The following DSTYK variants were observed in gnomAD, a reference collection of about 807,000 sequenced individuals.
DSTYK encodes the protein RIP-homologous kinase.
In DSTYK, 34 loss-of-function variants were observed where a neutral mutation model predicts 98.7. The ratio of observed to expected loss-of-function variants is 0.34; its 90% CI spans 0.26 to 0.46. DSTYK has a LOEUF of 0.46. Among genes scored for constraint, DSTYK ranks in the 20% least tolerant of loss-of-function variants. DSTYK has a pLI of 1.00. For synonymous variants in DSTYK, 462 were observed against 457.3 expected (o/e 1.01, Z -0.13); for missense variants, 962 against 1,181.7 (o/e 0.81, Z 2.73).
chr1:205,199,430 C>T lies in DSTYK; in HGVS notation c.266-11624G>A, dbSNP rs76494931. Among the ~76,000 whole-genome samples, 30 of 152,304 alleles carry T rather than the reference C, an allele frequency of 2.0e-4. 1 individual carries two copies. In the East Asian group the frequency reaches 5.8e-3, roughly 29 times the overall value. ...TGGTTTGGACTTTGGAGGAACATTA[C>T]GCATAAGGGAACTTTCTCAGAGAGT... On this transcript the variant is annotated intron_variant, in intron 1 of 12. Transcript: ENST00000367162.
At chr1:205,159,010 C>T (rs1657636717) in intron 9 of DSTYK, among the ~76,000 whole-genome samples, 1 of 152,168 alleles carries the variant, frequency 6.6e-6, no homozygotes, top group Non-Finnish European at 1.5e-5. Flanking sequence ...TTTACTACCA[C>T]CACAGGGGTC....
In DSTYK at chr1:205,169,128, C is replaced by G. The variant is rs368565285; in HGVS notation, c.1324+35G>C. On this transcript the variant is annotated intron_variant, in intron 3 of 12. Coordinates refer to ENST00000367162, the MANE Select transcript of DSTYK (RefSeq NM_015375.3). This position sits in a 1 kb window ranked among gnomAD's most constrained non-coding sequence, Gnocchi z 4.0. ...CTAGAAAATGGTTAGAGACTCCTCC[C>G]GTGCCAGCACCCCAACAAGCTCTCT... 6.6e-7 allele frequency: 1 copy of G among 1,525,070 alleles called. No individual in the cohort carries two copies. The highest frequency in any genetic ancestry group is 2.0e-5 in the Admixed American group (1 of 49,376). The allele number at this position is 1,525,070 out of a possible 1,614,324, so 94.5% of individuals were successfully genotyped here. A position where few individuals can be genotyped will look rare whatever the true frequency, so the allele number is the denominator to read the frequency against.
chr1:205,201,800 C>T (rs751546591), intron 1 of DSTYK, among the ~76,000 whole-genome samples: 6 of 152,124 alleles, frequency 3.9e-5, no homozygotes, highest in Non-Finnish European at 7.3e-5. Flanking sequence ...TGGTTCACAC[C>T]GGTAATGCCA....
At chr1:205,183,427 G>A (rs1658478151) in intron 2 of DSTYK, among the ~76,000 whole-genome samples, 1 of 152,156 alleles carries the variant, frequency 6.6e-6, no homozygotes, top group African/African-American at 2.4e-5. Flanking sequence ...AGCAGTGTGG[G>A]TCCATGTGAG....
chr1:205,181,806 T>C (rs977852693), intron 2 of DSTYK, among the ~76,000 whole-genome samples: 7 of 151,830 alleles, frequency 4.6e-5, no homozygotes, highest in Admixed American at 1.3e-4. Flanking sequence ...CTCTGCCTCC[T>C]ATGTAGCTTG....
intron 3 of DSTYK, among the ~76,000 whole-genome samples, chr1:205,167,584 C>A (rs1657926644): frequency 6.6e-6 from 1 of 152,040 alleles, no homozygotes; most frequent in African/African-American, 2.4e-5. Context: ...GAAGTTAAGA[C>A]CAACTGACAT....
At chr1:205,172,527 G>T (rs1445638332) in intron 2 of DSTYK, among the ~76,000 whole-genome samples, 1 of 149,680 alleles carries the variant, frequency 6.7e-6, no homozygotes, top group Non-Finnish European at 1.5e-5. Flanking sequence ...ATGTTGCCCA[G>T]GTTGGTCTTG....
At chr1:205,166,396 A>G (rs1461832246) in intron 3 of DSTYK, among the ~76,000 whole-genome samples, 1 of 152,076 alleles carries the variant, frequency 6.6e-6, no homozygotes, top group Non-Finnish European at 1.5e-5. Context: ...TCATACCTGT[A>G]ATCCTAGCAC....
In DSTYK at chr1:205,161,354, T is replaced by C. The variant is rs1433674288; in HGVS notation, c.1852A>G (p.Thr618Ala). 1 of 1,614,170 alleles carries C rather than the reference T, an allele frequency of 6.2e-7. No individual in the cohort carries two copies. The highest frequency in any genetic ancestry group is 1.7e-5 in the Admixed American group (1 of 60,028). Residue 618 changes from threonine (T) to alanine (A), a missense_variant, in exon 7 of 13, where the codon ACG becomes GCG. By Grantham distance (58) the Thr-to-Ala change is moderately conservative (BLOSUM62 0). Around this residue, in one of 4 missense-constraint regions of DSTYK, gnomAD observed 660 missense variants for 855.0 expected, o/e 0.77. Transcript: ENST00000367162. ...EAGHSGRLEK[T>A]EDLWLRVRKD... ...CGAACCCTCAGCCATAGATCTTCCG[T>C]TTTCTCTAACCGGCCTGAGTGGCCA...
intron 1 of DSTYK, among the ~76,000 whole-genome samples, chr1:205,205,395 T>C (rs1659168869): frequency 6.6e-6 from 1 of 152,194 alleles, no homozygotes; most frequent in Non-Finnish European, 1.5e-5. Flanking sequence ...AACTTACTTA[T>C]CATACAAATT....
In DSTYK at chr1:205,167,553, G is replaced by A. The variant is rs79892431; in HGVS notation, c.1324+1610C>T. On this transcript the variant is annotated intron_variant, in intron 3 of 12. Transcript: ENST00000367162. ...GGGTGTTAGCAAAGAAAAAGTAAAGGGAGCGTATGGAGGACAGAAAGAAGT... is the reference window on the plus strand; with the variant it reads ...GGGTGTTAGCAAAGAAAAAGTAAAGAGAGCGTATGGAGGACAGAAAGAAGT... 8.6e-3 allele frequency among the ~76,000 whole-genome samples: 1,310 copies of A among 152,242 alleles called. 22 individuals carry two copies. Among genetic ancestry groups the A allele is most frequent in the African/African-American group, 0.03 (1,254 of 41,538 alleles).
intron 1 of DSTYK, chr1:205,202,447 C>A: frequency 1.3e-6 from 1 of 769,446 alleles, no homozygotes. Context: ...GCCCAAAAAG[C>A]TTGCTGAATT....
intron 8 of DSTYK, 72 bp from the exon 9 acceptor site, chr1:205,159,751 A>C: frequency 6.3e-7 from 1 of 1,588,700 alleles, no homozygotes; most frequent in South Asian, 1.1e-5. Flanking sequence ...ACAATGTATG[A>C]GACAATAATT....
chr1:205,190,175 G>A (rs1296550697), intron 1 of DSTYK, among the ~76,000 whole-genome samples: 1 of 152,194 alleles, frequency 6.6e-6, no homozygotes, highest in Non-Finnish European at 1.5e-5. Context: ...TAATGTCATA[G>A]ATTTGTTTGT....
At chr1:205,175,585 T>C (rs1658204994) in intron 2 of DSTYK, among the ~76,000 whole-genome samples, 1 of 152,174 alleles carries the variant, frequency 6.6e-6, no homozygotes, top group Admixed American at 6.6e-5. Flanking sequence ...TAGGCTGGAA[T>C]GTGATATGCG....
In DSTYK at chr1:205,147,572, C is replaced by A. The variant is rs148542303; in HGVS notation, c.2776G>T (p.Asp926Tyr). 1,402 of 1,610,098 alleles carry A rather than the reference C, an allele frequency of 8.7e-4. No homozygotes were observed. Among genetic ancestry groups the A allele is most frequent in the Non-Finnish European group, 1.1e-3 (1,285 of 1,176,582 alleles). Residue 926 changes from aspartate (D) to tyrosine (Y), a missense_variant, in exon 13 of 13, where the codon GAT becomes TAT. Around this residue, in one of 4 missense-constraint regions of DSTYK, gnomAD observed 65 missense variants for 63.9 expected, o/e 1.02. Transcript: ENST00000367162. ...GGTCTTTGCTTTCAAGTAGAATCATCTAGTCCTCTGTTTGGCTGCTCAGAA... is the reference window on the plus strand; with the variant it reads ...GGTCTTTGCTTTCAAGTAGAATCATATAGTCCTCTGTTTGGCTGCTCAGAA... ...SNSEQPNRGL[D>Y]DST
intron 2 of DSTYK, among the ~76,000 whole-genome samples, chr1:205,181,653 GGTTTGTGTGTGTGTGT>G (rs1480032822): frequency 1.2e-5 from 1 of 83,962 alleles, no homozygotes; most frequent in Non-Finnish European, 3.1e-5. Flanking sequence ...CAGATGTTGG[GGTTTGTGTGTGTGTGT>G]GTGTGTGTGT....
Position 205,150,819 on chromosome 1 carries a change from C to G in DSTYK, c.2353-25G>C. The G allele has an allele frequency of 6.3e-7, 1 of 1,591,684 alleles. No homozygotes were observed. The highest frequency in any genetic ancestry group is 1.1e-5 in the South Asian group (1 of 90,600). ...GCTGCCAACAAAGCAGGGCAAGAGTCACCTTGTTTCTGATCCTGCACACAG... is the reference window on the plus strand; with the variant it reads ...GCTGCCAACAAAGCAGGGCAAGAGTGACCTTGTTTCTGATCCTGCACACAG... On this transcript the variant is annotated intron_variant, in intron 10 of 12. Coordinates refer to ENST00000367162, the MANE Select transcript of DSTYK (RefSeq NM_015375.3). The surrounding 1 kb of genome is among the most constrained non-coding windows in gnomAD (Gnocchi z 4.1).
At position 205,169,270 on chromosome 1, in the gene DSTYK, A is replaced by G. The variant is rs753118108; in HGVS notation, c.1217T>C (p.Met406Thr). The change falls in exon 3 of 13, where the codon ATG (methionine) becomes ACG (threonine). Residue 406 changes from methionine (M) to threonine (T), a missense_variant. Around this residue, in one of 4 missense-constraint regions of DSTYK, gnomAD observed 660 missense variants for 855.0 expected, o/e 0.77. Coordinates refer to ENST00000367162, the MANE Select transcript of DSTYK (RefSeq NM_015375.3). This position sits in a 1 kb window ranked among gnomAD's most constrained non-coding sequence, Gnocchi z 4.0. ...CTCCTGCTTTCGGTTGGCAATATTC[A>G]TCAATGATTCATACAACTCATTCTC... ...KKENELYESL[M>T]NIANRKQEEM... 6.2e-6 allele frequency: 10 copies of G among 1,614,142 alleles called. No homozygotes were observed. Among genetic ancestry groups the G allele is most frequent in the South Asian group, 1.1e-5 (1 of 91,084 alleles).
Sources: gnomAD v4.1 joint callset for allele counts (sites outside exome capture counted in the v4.1 genomes callset) on GRCh38, gnomAD v4.1.1 for gene constraint, gnomAD v4.1.1 regional missense constraint, Gnocchi (gnomAD v3.1) non-coding constraint, MANE v1.5 for transcripts, NCBI Gene and HGNC (gene_info 2026-07-23, HGNC 2026-07-21) for gene names.